Variants in NRG4 observed in about 807,000 individuals in gnomAD.
NRG4 encodes the protein pro-neuregulin-4, membrane-bound isoform.
A neutral mutation model predicts 15.0 loss-of-function variants in NRG4; 10 were observed. That is an observed-to-expected ratio of 0.67 (90% CI 0.41 to 1.13). The LOEUF (loss-of-function observed/expected upper bound fraction) is 1.13. NRG4 is among the 50% of genes most tolerant of loss of function. NRG4 has a pLI of 0.00. For synonymous variants in NRG4, 41 were observed against 50.1 expected, an observed-to-expected ratio of 0.82 and a Z score of 0.77; for missense variants, 139 against 140.2, an observed-to-expected ratio of 0.99 and a Z score of 0.04.
At position 76,029,531 on chromosome 15, in the gene NRG4, A is replaced by G. The variant is rs535034842; in HGVS notation, c.-57+6413T>C. On this transcript the variant is annotated intron_variant, in intron 5 of 8. Coordinates refer to the NRG4 transcript ENST00000563910. ...CATGATCTTCTATATAGGAAAACCT[A>G]AAGACTCTACCAAAAAACTCTTAAA... is the stretch of plus-strand genomic sequence containing the variant. Among the ~76,000 whole-genome samples, 3 of 152,314 alleles carry G rather than the reference A, an allele frequency of 2.0e-5. No homozygotes were observed. The East Asian group carries it at 5.8e-4, about 29-fold the overall frequency.
chr15:76,009,020 T>C (rs894222598), intron 3 of NRG4, among the ~76,000 whole-genome samples, 180 bp downstream of exon 3: 1 of 152,218 alleles, frequency 6.6e-6, no homozygotes, highest in Non-Finnish European at 1.5e-5. Flanking sequence ...AGTGAGATTT[T>C]TATGTGCTAT....
chr15:75,981,308 G>A (rs2033599261), intron 3 of NRG4, among the ~76,000 whole-genome samples: 1 of 152,124 alleles, frequency 6.6e-6, no homozygotes, highest in African/African-American at 2.4e-5. Flanking sequence ...TTCAGATCCT[G>A]CCAAATACCC....
rs2033403081 is a variant in NRG4 at position 75,977,127 on chromosome 15, T to C, written c.105-15153A>G. On this transcript the variant is annotated intron_variant, in intron 3 of 5. Transcript: ENST00000394907. The surrounding 1 kb of genome is among the most constrained non-coding windows in gnomAD (Gnocchi z 4.9). ...AACTTCCCAGCAGTTTTGTTTACAC[T>C]ATGAGGGGAAAACTGCCCACTCAAG... Among the ~76,000 whole-genome samples the C allele has an allele frequency of 6.6e-6, 1 of 152,140 alleles. No individual in the cohort carries two copies. Among genetic ancestry groups the C allele is most frequent in the Non-Finnish European group, 1.5e-5 (1 of 68,016 alleles).
intron 3 of NRG4, among the ~76,000 whole-genome samples, chr15:75,978,774 A>G (rs780715160): frequency 6.6e-6 from 1 of 152,006 alleles, no homozygotes; most frequent in Non-Finnish European, 1.5e-5. Flanking sequence ...TTTGATTTAC[A>G]TTTCCCCTAT....
chr15:76,025,696 T>G (rs2035295775), intron 5 of NRG4, among the ~76,000 whole-genome samples: 1 of 151,942 alleles, frequency 6.6e-6, no homozygotes, highest in Non-Finnish European at 1.5e-5. Flanking sequence ...GCCAATGTGG[T>G]GAACCCCTGT....
chr15:75,992,373 C>T (rs2034049027), intron 3 of NRG4, among the ~76,000 whole-genome samples: 1 of 152,082 alleles, frequency 6.6e-6, no homozygotes, highest in African/African-American at 2.4e-5. Flanking sequence ...GCTTGGAGAC[C>T]TTCCTTTTAC....
intron 3 of NRG4, among the ~76,000 whole-genome samples, chr15:75,984,587 T>A (rs924763478): frequency 2.0e-5 from 3 of 151,850 alleles, no homozygotes; most frequent in African/African-American, 7.3e-5. Flanking sequence ...AGTTTAACAA[T>A]AAGAACACAC....
At chr15:76,036,597 C>T (rs1460685508) in intron 4 of NRG4, among the ~76,000 whole-genome samples, 1 of 152,162 alleles carries the variant, frequency 6.6e-6, no homozygotes, top group Non-Finnish European at 1.5e-5. Flanking sequence ...CTACTTTCTT[C>T]ATCTATACAT....
intron 4 of NRG4, among the ~76,000 whole-genome samples, chr15:76,045,584 C>A (rs1387153610): frequency 6.6e-6 from 1 of 150,850 alleles, no homozygotes; most frequent in Non-Finnish European, 1.5e-5. Context: ...CAATGGAGTA[C>A]TATTCAGCCA....
chr15:76,022,425 T>TACACAC lies in NRG4; in HGVS notation c.-56-11145_-56-11140dup, dbSNP rs67005026. Reference sequence around the variant, plus strand: ...AGACACATATGTATGTCAATATTTTTACACACACACACACACACACACACA... The same window carrying TACACAC: ...AGACACATATGTATGTCAATATTTTTACACACACACACACACACACACACACACACA... On this transcript the variant is annotated intron_variant, in intron 5 of 8. Coordinates refer to the NRG4 transcript ENST00000563910. Among the ~76,000 whole-genome samples the TACACAC allele has an allele frequency of 6.0e-4, 90 of 149,570 alleles. 1 individual carries two copies. The highest frequency in any genetic ancestry group is 1.1e-3 in the Admixed American group (16 of 14,984).
chr15:76,041,089 T>A (rs939951837), intron 4 of NRG4, among the ~76,000 whole-genome samples: 3 of 152,230 alleles, frequency 2.0e-5, no homozygotes, highest in Admixed American at 6.5e-5. Flanking sequence ...TAAGTTGTAA[T>A]CATCTTAAAA....
chr15:75,956,262 G>T (rs1450224122), intron 4 of NRG4, among the ~76,000 whole-genome samples: 1 of 152,128 alleles, frequency 6.6e-6, no homozygotes, highest in Non-Finnish European at 1.5e-5. Context: ...CATCTGTGGG[G>T]ACCAGATGCT....
At chr15:76,017,767 T>G (rs1192333385) in intron 5 of NRG4, among the ~76,000 whole-genome samples, 1 of 152,204 alleles carries the variant, frequency 6.6e-6, no homozygotes, top group Non-Finnish European at 1.5e-5. Context: ...CATTTTTTCC[T>G]TCATTTCAAC....
intron 3 of NRG4, chr15:75,971,318 A>C: frequency 2.3e-6 from 1 of 430,888 alleles, no homozygotes; most frequent in South Asian, 1.7e-5. Context: ...GGTGATATAG[A>C]TCTATCCCTA....
At chr15:76,053,727 T>G (rs550058894) in intron 2 of NRG4, among the ~76,000 whole-genome samples, 1 of 150,474 alleles carries the variant, frequency 6.6e-6, no homozygotes, top group South Asian at 2.1e-4. Context: ...AGCTAAGTTT[T>G]GTATTTTTAG....
upstream of NRG4, among the ~76,000 whole-genome samples, chr15:76,013,364 T>G (rs2034877638): frequency 6.6e-6 from 1 of 152,142 alleles, no homozygotes; most frequent in Non-Finnish European, 1.5e-5. Flanking sequence ...TTTTTAAAAT[T>G]ATACTTTAAG....
intron 3 of NRG4, among the ~76,000 whole-genome samples, chr15:75,997,522 T>A (rs1016351465): frequency 6.6e-6 from 1 of 152,008 alleles, no homozygotes; most frequent in Non-Finnish European, 1.5e-5. Flanking sequence ...TAGATTCTAT[T>A]AGAGAACAAC....
At position 76,011,271 on chromosome 15, in the gene NRG4, G is replaced by T; in HGVS notation, c.-41C>A. On this transcript the variant is annotated 5_prime_UTR_variant, in exon 2 of 6. Transcript: ENST00000394907. ...GTTTCATTCTTGGTCAAGAGAGTAGGGTTGAAAAACAGTACCTAAAACGGT... is the reference window on the plus strand; with the variant it reads ...GTTTCATTCTTGGTCAAGAGAGTAGTGTTGAAAAACAGTACCTAAAACGGT... The T allele has an allele frequency of 1.4e-6, 2 of 1,415,486 alleles. No homozygotes were observed. Among genetic ancestry groups the T allele is most frequent in the East Asian group, 2.6e-5 (1 of 37,862 alleles). The allele number at this position is 1,415,486 out of a possible 1,614,324, so 87.7% of individuals were successfully genotyped here.
chr15:76,050,957 C>T (rs1025248155), intron 4 of NRG4, among the ~76,000 whole-genome samples: 2 of 149,464 alleles, frequency 1.3e-5, no homozygotes, highest in African/African-American at 5.0e-5. Context: ...AGGTGTGTGC[C>T]ACCATGCCTG....
Sources: allele counts gnomAD v4.1 joint callset (sites outside exome capture counted in the v4.1 genomes callset), GRCh38; gene constraint gnomAD v4.1.1; non-coding constraint Gnocchi (gnomAD v3.1); transcripts MANE v1.5; gene names NCBI Gene and HGNC (gene_info 2026-07-23, HGNC 2026-07-21).